The following FAM153A variants were observed in gnomAD, a reference collection of about 807,000 sequenced individuals.
The protein encoded by FAM153A is family with sequence similarity 153 member A.
FAM153A carries 12 observed loss-of-function variants against 48.1 expected under a neutral mutation model. That is an observed-to-expected ratio of 0.25 (90% CI 0.16 to 0.40). The LOEUF (loss-of-function observed/expected upper bound fraction) is 0.40. FAM153A is among the 10% of genes least tolerant of loss of function. FAM153A has a pLI of 1.00. For synonymous variants in FAM153A, 36 were observed against 118.2 expected, an observed-to-expected ratio of 0.30 and a Z score of 4.51; for missense variants, 111 against 345.8, an observed-to-expected ratio of 0.32 and a Z score of 5.38.
At chr5:177,699,745 A>G in the FAM153A span, among the ~76,000 whole-genome samples, 3 of 152,158 alleles carry the variant, frequency 2.0e-5, no homozygotes, top group Admixed American at 2.0e-4. Flanking sequence ...GCCCAGGGCC[A>G]GATGGCTTGA....
chr5:177,703,666 G>A (rs1757648209), downstream of FAM153A, among the ~76,000 whole-genome samples: 1 of 127,252 alleles, frequency 7.9e-6, no homozygotes, highest in Admixed American at 7.5e-5. Flanking sequence ...GGCATGGTGG[G>A]GGGTGATTGG....
chr5:177,744,646 A>G (rs1234856356), intron 5 of FAM153A, among the ~76,000 whole-genome samples: 1 of 18,748 alleles, frequency 5.3e-5, no homozygotes, highest in Admixed American at 6.3e-4. Context: ...ATTTTGCTCC[A>G]AAGAGAGAAC....
the FAM153A span, among the ~76,000 whole-genome samples, chr5:177,699,653 CAA>C: frequency 6.6e-6 from 1 of 152,248 alleles, no homozygotes; most frequent in Non-Finnish European, 1.5e-5. Flanking sequence ...GAAATTGACT[CAA>C]GAAGAAGTGG....
At chr5:177,715,846 AT>A (rs554130904) in intron 25 of FAM153A, among the ~76,000 whole-genome samples, 3 of 150,958 alleles carry the variant, frequency 2.0e-5, no homozygotes, top group East Asian at 3.9e-4. Flanking sequence ...TAATTTTTAA[AT>A]TTTTTTTTGT....
At chr5:177,695,068 C>T in the FAM153A span, among the ~76,000 whole-genome samples, 21 of 135,602 alleles carry the variant, frequency 1.5e-4, 1 homozygote, top group African/African-American at 2.1e-4. Context: ...GGACTATAGG[C>T]GCATGCCACC....
intron 1 of FAM153A, among the ~76,000 whole-genome samples, chr5:177,764,661 CCT>C: frequency 6.6e-6 from 1 of 151,610 alleles, no homozygotes; most frequent in African/African-American, 2.4e-5. Flanking sequence ...ACCATTAACT[CCT>C]GGGCTCGCCC....
At chr5:177,736,592 G>A in exon 12 of FAM153A, 1 of 1,570,462 alleles carries the variant, frequency 6.4e-7, no homozygotes. Context: ...CGGCCAGTGT[G>A]TCTGGGTCCC....
upstream of FAM153A, among the ~76,000 whole-genome samples, chr5:177,755,609 G>A (rs1359648623): frequency 6.6e-6 from 1 of 151,748 alleles, no homozygotes; most frequent in Non-Finnish European, 1.5e-5. Flanking sequence ...CCCACAAAGG[G>A]AAGCCCATCA....
the FAM153A span, among the ~76,000 whole-genome samples, chr5:177,702,383 C>A: frequency 6.6e-6 from 1 of 151,770 alleles, no homozygotes; most frequent in Non-Finnish European, 1.5e-5. Context: ...TAACAACCTA[C>A]ACTCATATGC....
At chr5:177,719,162 G>A (rs1204349734), downstream of FAM153A, among the ~76,000 whole-genome samples, 1 of 151,312 alleles carries the variant, frequency 6.6e-6, no homozygotes, top group Admixed American at 6.6e-5. Flanking sequence ...GGGATTACAG[G>A]TGTGAGCCAC....
At chr5:177,707,367 T>C (rs535375752), downstream of FAM153A, among the ~76,000 whole-genome samples, 2 of 151,738 alleles carry the variant, frequency 1.3e-5, no homozygotes, top group South Asian at 4.1e-4. Flanking sequence ...CGTTGGAAAC[T>C]CTCCAGGTAC....
At chr5:177,746,898 G>T (rs984924772) in intron 4 of FAM153A, among the ~76,000 whole-genome samples, 3 of 147,144 alleles carry the variant, frequency 2.0e-5, no homozygotes, top group African/African-American at 7.6e-5. Context: ...TTGTGGTGAT[G>T]ATCTCATTAA....
intron 10 of FAM153A, among the ~76,000 whole-genome samples, chr5:177,738,757 T>G (rs1407103078): frequency 6.6e-6 from 1 of 151,462 alleles, no homozygotes; most frequent in Non-Finnish European, 1.5e-5. Context: ...GGTAATGGAA[T>G]TTTTATTTAC....
downstream of FAM153A, among the ~76,000 whole-genome samples, chr5:177,709,334 G>A (rs1326088690): frequency 7.2e-6 from 1 of 138,690 alleles, no homozygotes; most frequent in African/African-American, 2.7e-5. Context: ...GGAAAAACGA[G>A]ATATTTGCAA....
At chr5:177,738,498 T>C (rs1765044800) in intron 10 of FAM153A, among the ~76,000 whole-genome samples, 1 of 151,394 alleles carries the variant, frequency 6.6e-6, no homozygotes, top group South Asian at 2.1e-4. Flanking sequence ...TATGCACACA[T>C]AGGTGCTAAA....
At chr5:177,759,165 A>G (rs1452350615) in intron 1 of FAM153A, among the ~76,000 whole-genome samples, 1 of 151,980 alleles carries the variant, frequency 6.6e-6, no homozygotes, top group Non-Finnish European at 1.5e-5. Flanking sequence ...AAGGATACGA[A>G]GAGACACTTC....
At chr5:177,704,592 G>A (rs1431474381), downstream of FAM153A, among the ~76,000 whole-genome samples, 2 of 151,334 alleles carry the variant, frequency 1.3e-5, no homozygotes, top group African/African-American at 4.9e-5. Flanking sequence ...TTTGAGGTCG[G>A]GCATGGTGGG....
At chr5:177,781,770 G>A (rs1337021609), upstream of FAM153A, 3 of 97,892 alleles carry the variant, frequency 3.1e-5, 1 homozygote, top group Non-Finnish European at 6.5e-5. Flanking sequence ...CCAGGCTGGA[G>A]TGCAGTGGCG....
chr5:177,762,305 CAAAGTT>C (rs1768373214), intron 1 of FAM153A, among the ~76,000 whole-genome samples: 1 of 129,802 alleles, frequency 7.7e-6, no homozygotes, highest in Non-Finnish European at 1.7e-5. Flanking sequence ...GTGGACGTGA[CAAAGTT>C]AAAGAGGTGA....
Sources: gnomAD v4.1 joint callset for allele counts (sites outside exome capture counted in the v4.1 genomes callset) on GRCh38, gnomAD v4.1.1 for gene constraint, MANE v1.5 for transcripts, NCBI Gene and HGNC (gene_info 2026-07-23, HGNC 2026-07-21) for gene names.